The following ENTPD5 variants were observed in gnomAD, a reference collection of about 807,000 sequenced individuals.
The protein encoded by ENTPD5 is nucleoside diphosphate phosphatase ENTPD5.
Under a neutral mutation model 60.2 loss-of-function variants are expected in ENTPD5, and 49 were observed. The ratio of observed to expected loss-of-function variants is 0.81; its 90% CI spans 0.65 to 1.03. ENTPD5 has a LOEUF of 1.03. Among genes scored for constraint, ENTPD5 ranks in the 50% least tolerant of loss-of-function variants. The pLI, the probability that ENTPD5 is intolerant of heterozygous loss-of-function variation, is 0.00. For synonymous variants in ENTPD5, 187 were observed against 185.4 expected (o/e 1.01, Z -0.07); for missense variants, 480 against 507.6 (o/e 0.95, Z 0.52).
downstream of ENTPD5, chr14:73,961,493 G>T: frequency 6.2e-7 from 1 of 1,614,192 alleles, no homozygotes. Flanking sequence ...GCAGGACAGG[G>T]TGTCAACATG....
intron 4 of ENTPD5, chr14:73,987,288 A>G (rs370645586): frequency 4.9e-6 from 3 of 616,922 alleles, no homozygotes; most frequent in East Asian, 2.7e-5. Context: ...TCCCTGGAGT[A>G]TCCCATGTTT....
At chr14:74,018,286 G>A (rs1160601761) in intron 1 of ENTPD5, among the ~76,000 whole-genome samples, 1 of 152,150 alleles carries the variant, frequency 6.6e-6, no homozygotes, top group Admixed American at 6.6e-5. Flanking sequence ...GAAACAAGGC[G>A]GAGGGGAGTA....
chr14:74,005,444 T>G (rs2058648221), intron 3 of ENTPD5, among the ~76,000 whole-genome samples: 1 of 150,012 alleles, frequency 6.7e-6, no homozygotes, highest in Non-Finnish European at 1.5e-5. Flanking sequence ...CAAGCAATCC[T>G]CCACCTTGGC....
chr14:73,958,912 ACTT>A, downstream of ENTPD5: 1 of 1,605,464 alleles, frequency 6.2e-7, no homozygotes, highest in African/African-American at 1.3e-5. Context: ...GCAGAGAAAA[ACTT>A]CTGAAGCAGT....
At chr14:73,958,770 G>A, downstream of ENTPD5, 1 of 1,483,596 alleles carries the variant, frequency 6.7e-7, no homozygotes, top group Non-Finnish European at 8.9e-7. Context: ...GTTCAGTCAT[G>A]TCCAGCTTTG....
At chr14:73,975,262 T>C (rs973026269) in intron 10 of ENTPD5, among the ~76,000 whole-genome samples, 35 of 152,094 alleles carry the variant, frequency 2.3e-4, no homozygotes, top group African/African-American at 8.5e-4. Flanking sequence ...AGAAAAGCTC[T>C]CTTTAGCTTA....
chr14:73,989,151 AG>A (rs911043056), intron 3 of ENTPD5, among the ~76,000 whole-genome samples: 3 of 151,984 alleles, frequency 2.0e-5, no homozygotes, highest in Non-Finnish European at 2.9e-5. Flanking sequence ...GGTGGGGGCC[AG>A]GAACAGTGGC....
intron 13 of ENTPD5, 107 bp downstream of exon 13, chr14:73,972,777 G>A (rs2057280636): frequency 3.1e-6 from 4 of 1,291,438 alleles, no homozygotes; most frequent in South Asian, 3.0e-5. Flanking sequence ...TAGAAAAGAG[G>A]TGGGTAATCA....
chr14:73,961,883 A>T, downstream of ENTPD5: 1 of 1,614,126 alleles, frequency 6.2e-7, no homozygotes, highest in Non-Finnish European at 8.5e-7. Context: ...GCAGGCCACA[A>T]ATGCAGTGTC....
chr14:73,960,876 T>C (rs2056688495), downstream of ENTPD5: 1 of 480,850 alleles, frequency 2.1e-6, no homozygotes, highest in Non-Finnish European at 3.8e-6. Flanking sequence ...AGAAGGATAC[T>C]GTGTGATGAG....
At chr14:73,987,780 G>C (rs2057962688) in intron 4 of ENTPD5, 106 bp downstream of exon 4, 7 of 982,514 alleles carry the variant, frequency 7.1e-6, no homozygotes, top group Non-Finnish European at 1.1e-5. Context: ...TCCACTAGGT[G>C]TGAGATTCTG....
intron 1 of ENTPD5, among the ~76,000 whole-genome samples, chr14:74,018,246 G>A (rs1310453875): frequency 6.6e-6 from 1 of 151,724 alleles, no homozygotes; most frequent in African/African-American, 2.4e-5. Context: ...AGAAGAAACA[G>A]AAATTCAGAA....
chr14:73,986,571 A>C (rs1047112026), intron 5 of ENTPD5: 2 of 493,802 alleles, frequency 4.1e-6, no homozygotes, highest in Non-Finnish European at 7.3e-6. Context: ...CATAGGGAGT[A>C]ATCTCTTAAA....
chr14:74,010,924 T>A (rs2058829781), intron 3 of ENTPD5, among the ~76,000 whole-genome samples, 167 bp downstream of exon 3: 1 of 152,194 alleles, frequency 6.6e-6, no homozygotes, highest in Admixed American at 6.6e-5. Context: ...CATAAGCAAA[T>A]GAAGACCTCT....
chr14:73,994,580 A>T (rs1594919271), intron 3 of ENTPD5, among the ~76,000 whole-genome samples: 1 of 151,846 alleles, frequency 6.6e-6, no homozygotes, highest in African/African-American at 2.4e-5. Flanking sequence ...TAAAAACACA[A>T]AAATTAGCCA....
At chr14:73,982,444 G>A (rs1381609634) in intron 6 of ENTPD5, among the ~76,000 whole-genome samples, 2 of 151,978 alleles carry the variant, frequency 1.3e-5, no homozygotes, top group Non-Finnish European at 2.9e-5. Context: ...TTCTGATTCT[G>A]CTTTAAAAAT....
chr14:73,969,715 T>TA (rs111494372), intron 15 of ENTPD5, among the ~76,000 whole-genome samples: 1,701 of 148,908 alleles, frequency 0.011, 29 homozygotes, highest in African/African-American at 0.039. Context: ...AAAAAAATAA[T>TA]AATAAATAAA....
At position 73,987,260 on chromosome 14, in the gene ENTPD5, T is replaced by A. The variant is rs533165547; in HGVS notation, c.218-367A>T. 6 of 653,068 alleles carry A rather than the reference T, an allele frequency of 9.2e-6. No individual in the cohort carries two copies. In the African/African-American group the frequency reaches 1.1e-4, roughly 12 times the overall value. The allele number at this position is 653,068 out of a possible 1,614,324, so 40.5% of individuals were successfully genotyped here. On this transcript the variant is annotated intron_variant, in intron 4 of 15. Transcript: ENST00000334696. ...ATCCTTCTCCCAAAACCACTCCCCA[T>A]ATTCTGAATATTATGGATCCCTGGA... is the stretch of plus-strand genomic sequence containing the variant.
At position 73,975,797 on chromosome 14, in the gene ENTPD5, G is replaced by C. The variant is rs11844270; in HGVS notation, c.722+139C>G. ...TCCTCCGGCTTTGTAAGTGGACCGG[G>C]TTTCAGTTGATAGGCCTTAGGGAAT... On this transcript the variant is annotated intron_variant, in intron 10 of 15. Transcript: ENST00000334696. 3,853 of 637,460 alleles carry C rather than the reference G, an allele frequency of 6.0e-3. 110 individuals are homozygous for C. The African/African-American group carries it at 0.063, about 10-fold the overall frequency. 39.5% of individuals were successfully genotyped at this position (637,460 alleles called of 1,614,324 possible). A position where few individuals can be genotyped will look rare whatever the true frequency, so the allele number is the denominator to read the frequency against.
Sources: allele counts gnomAD v4.1 joint callset (sites outside exome capture counted in the v4.1 genomes callset), GRCh38; gene constraint gnomAD v4.1.1; transcripts MANE v1.5; gene names NCBI Gene and HGNC (gene_info 2026-07-23, HGNC 2026-07-21).